The following SLC9A3 variants were observed in gnomAD, a reference collection of about 807,000 sequenced individuals.
SLC9A3 encodes the protein sodium/hydrogen exchanger 3.
SLC9A3 carries 37 observed loss-of-function variants against 86.8 expected under a neutral mutation model. The observed-to-expected ratio is 0.43, with a 90% CI of 0.33 to 0.56. The LOEUF (loss-of-function observed/expected upper bound fraction) is 0.56. SLC9A3 is among the 20% of genes least tolerant of loss of function. The pLI, the probability that SLC9A3 is intolerant of heterozygous loss-of-function variation, is 0.06. For synonymous variants in SLC9A3, 581 were observed against 528.3 expected (o/e 1.10, Z -1.37); for missense variants, 1,011 against 1,171.9 (o/e 0.86, Z 2.00).
chr5:478,244 T>C (rs891290243), intron 10 of SLC9A3: 48 of 152,266 alleles, frequency 3.2e-4, no homozygotes, highest in African/African-American at 1.1e-3. Flanking sequence ...CTCCGCCTGC[T>C]CTTTTGCTTC....
rs760196242 is a variant in SLC9A3 at position 491,758 on chromosome 5, C to T, written c.514+11G>A. The T allele has an allele frequency of 1.7e-5, 26 of 1,514,250 alleles. No individual in the cohort carries two copies. Among genetic ancestry groups the T allele is most frequent in the Middle Eastern group, 1.7e-4 (1 of 5,808 alleles). 93.8% of individuals were successfully genotyped at this position (1,514,250 alleles called of 1,614,324 possible). On this transcript the variant is annotated intron_variant, in intron 2 of 16. Transcript: ENST00000264938. This position sits in a 1 kb window ranked among gnomAD's most constrained non-coding sequence, Gnocchi z 9.2. ...CTGATCCCGGCCGGGGCAACAGTGG[C>T]GCAGACTCACCCATGAGCCCACTGA...
At chr5:492,667 G>T (rs982430066) in intron 1 of SLC9A3, among the ~76,000 whole-genome samples, 2 of 151,906 alleles carry the variant, frequency 1.3e-5, no homozygotes, top group Admixed American at 1.3e-4. Context: ...GTCGGGGGGG[G>T]GCCTCTGACC....
intron 1 of SLC9A3, among the ~76,000 whole-genome samples, chr5:508,362 C>T (rs1740713007): frequency 3.2e-5 from 4 of 125,486 alleles, no homozygotes; most frequent in Admixed American, 8.1e-5. Context: ...GGCCTCAGCG[C>T]GCCCGGGGAT....
Position 515,215 on chromosome 5 carries a change from C to A in SLC9A3, c.211+8897G>T, listed in dbSNP as rs146692462. 3.1e-3 allele frequency among the ~76,000 whole-genome samples: 468 copies of A among 152,230 alleles called. 1 individual carries two copies. Among genetic ancestry groups the A allele is most frequent in the African/African-American group, 0.011 (454 of 41,534 alleles). On this transcript the variant is annotated intron_variant, in intron 1 of 16. Transcript: ENST00000264938. Reference sequence around the variant, plus strand: ...GGAGTCTCTGTCACAGCCCTAACCACCCCCAGCACAGCAGCACAAACGGCC... The same window carrying A: ...GGAGTCTCTGTCACAGCCCTAACCAACCCCAGCACAGCAGCACAAACGGCC...
chr5:500,394 G>T (rs1740207852), intron 1 of SLC9A3, among the ~76,000 whole-genome samples: 1 of 152,232 alleles, frequency 6.6e-6, no homozygotes, highest in South Asian at 2.1e-4. Context: ...TGGAAGGGGG[G>T]GTGGCAGGAG....
chr5:498,795 C>G (rs1740141168), intron 1 of SLC9A3, among the ~76,000 whole-genome samples: 2 of 152,330 alleles, frequency 1.3e-5, no homozygotes, highest in African/African-American at 4.8e-5. Flanking sequence ...CCCTGCTGGC[C>G]TCGGCTGCCT....
intron 3 of SLC9A3, among the ~76,000 whole-genome samples, chr5:487,811 G>C (rs1485259624): frequency 6.6e-6 from 1 of 152,204 alleles, no homozygotes; most frequent in Admixed American, 6.5e-5. Flanking sequence ...GGGATTACAG[G>C]CGCGTGCCAC....
intron 1 of SLC9A3, among the ~76,000 whole-genome samples, chr5:520,360 A>C (rs565021846): frequency 2.0e-5 from 3 of 152,138 alleles, no homozygotes; most frequent in Admixed American, 6.5e-5. Context: ...CCTGTCGCTC[A>C]TGTGTGGCTC....
intron 1 of SLC9A3, among the ~76,000 whole-genome samples, chr5:507,315 C>A (rs868774888): frequency 3.4e-5 from 5 of 145,316 alleles, no homozygotes; most frequent in Non-Finnish European, 7.5e-5. Flanking sequence ...CTACAGGCGC[C>A]CGCCACCACG....
chr5:509,494 A>AGGG (rs1740782799), intron 1 of SLC9A3, among the ~76,000 whole-genome samples: 1 of 106,548 alleles, frequency 9.4e-6, no homozygotes. Context: ...AGGGAGGGAA[A>AGGG]GAAGGAAGGA....
At chr5:482,261 GCC>G in intron 7 of SLC9A3, 104 bp from the exon 8 acceptor site, 1 of 879,364 alleles carries the variant, frequency 1.1e-6, no homozygotes. Flanking sequence ...GCCCACAGGC[GCC>G]CTCCCTGCTC....
intron 1 of SLC9A3, among the ~76,000 whole-genome samples, chr5:500,494 C>T (rs1169882588): frequency 2.0e-5 from 2 of 102,244 alleles, no homozygotes; most frequent in Non-Finnish European, 5.4e-5. Context: ...CCGGTGTGGA[C>T]ACGGGGCCAG....
chr5:491,885 T>A lies in SLC9A3; in HGVS notation c.398A>T (p.Asn133Ile), dbSNP rs746260520. The change falls in exon 2 of 17, where the codon AAC becomes ATC. Residue 133 changes from asparagine (N) to isoleucine (I), a missense_variant. Asn to Ile is a moderately radical substitution (Grantham distance 149). This residue lies in a region of SLC9A3 where 565 missense variants were observed against 790.0 expected (regional missense o/e 0.72). Transcript: ENST00000264938. This position sits in a 1 kb window ranked among gnomAD's most constrained non-coding sequence, Gnocchi z 9.2. Reference protein sequence around the residue: ...IVLDAGYFMPNRLFFGNLGTI... With the variant: ...IVLDAGYFMPIRLFFGNLGTI... ...CCCCAGGTTGCCGAAGAAGAGGCGG[T>A]TGGGCATGAAGTAGCCGGCGTCCAG... The A allele has an allele frequency of 6.2e-7, 1 of 1,610,254 alleles. No individual in the cohort carries two copies. The highest frequency in any genetic ancestry group is 1.1e-5 in the South Asian group (1 of 90,788).
chr5:479,980 C>G lies in SLC9A3; in HGVS notation c.1518-15G>C, dbSNP rs1739055944. On this transcript the variant is annotated splice_polypyrimidine_tract_variant and intron_variant, in intron 9 of 16. Transcript: ENST00000264938. ...AGTGGGACCACCTGTAGGGACAGAC[C>G]TTGGGTGTGAGCCTCAGGTGACAGG... The G allele has an allele frequency of 6.2e-7, 1 of 1,609,512 alleles. No individual in the cohort carries two copies. The highest frequency in any genetic ancestry group is 2.2e-5 in the East Asian group (1 of 44,734).
intron 16 of SLC9A3, among the ~76,000 whole-genome samples, chr5:474,228 G>C (rs1279441016): frequency 1.8e-5 from 1 of 56,716 alleles, no homozygotes; most frequent in South Asian, 6.8e-4. Flanking sequence ...AGGGAGGAGA[G>C]AGACAGCGCG....
intron 2 of SLC9A3, among the ~76,000 whole-genome samples, chr5:490,681 G>A (rs527450152): frequency 7.2e-5 from 11 of 152,354 alleles, no homozygotes; most frequent in South Asian, 6.2e-4. Context: ...GAGGGGCCGC[G>A]GGTCCAGGAG....
intron 1 of SLC9A3, among the ~76,000 whole-genome samples, chr5:523,005 C>A (rs1473313502): frequency 2.0e-5 from 3 of 152,088 alleles, no homozygotes; most frequent in Non-Finnish European, 4.4e-5. Flanking sequence ...GAGCAGGCAG[C>A]CCGGCGGGGA....
chr5:475,412 A>T (rs554568431), intron 15 of SLC9A3, 149 bp downstream of exon 15: 7 of 626,998 alleles, frequency 1.1e-5, no homozygotes, highest in African/African-American at 1.1e-4. Flanking sequence ...TTGAGGGGGC[A>T]CTCAGTGGGT....
chr5:482,215 C>T (rs900396002), intron 7 of SLC9A3, 58 bp from the exon 8 acceptor site: 28 of 1,346,138 alleles, frequency 2.1e-5, no homozygotes, highest in South Asian at 3.6e-5. Flanking sequence ...CCCGCTGGCC[C>T]GGCCAGGTGC....
Sources: gnomAD v4.1 joint callset for allele counts (sites outside exome capture counted in the v4.1 genomes callset) on GRCh38, gnomAD v4.1.1 for gene constraint, gnomAD v4.1.1 regional missense constraint, Gnocchi (gnomAD v3.1) non-coding constraint, MANE v1.5 for transcripts, NCBI Gene and HGNC (gene_info 2026-07-23, HGNC 2026-07-21) for gene names.